COL4A2: variants seen among roughly 807,000 people sequenced by gnomAD.
COL4A2 encodes collagen alpha-2(IV) chain.
Under a neutral mutation model 200.2 loss-of-function variants are expected in COL4A2, and 99 were observed. The observed-to-expected ratio is 0.49, with a 90% CI of 0.42 to 0.58. COL4A2 has a LOEUF of 0.58. Among genes scored for constraint, COL4A2 ranks in the 20% least tolerant of loss-of-function variants. COL4A2 has a pLI of 0.00. For synonymous variants in COL4A2, 897 were observed against 900.6 expected (o/e 1.00, Z 0.07); for missense variants, 1,950 against 2,314.1 (o/e 0.84, Z 3.23).
At chr13:110,483,515 G>A (rs1004817424) in intron 32 of COL4A2, among the ~76,000 whole-genome samples, 3 of 152,258 alleles carry the variant, frequency 2.0e-5, no homozygotes, top group African/African-American at 7.2e-5. Context: ...ACTGATGAAT[G>A]GATGAGTAAA....
intron 3 of COL4A2, among the ~76,000 whole-genome samples, chr13:110,332,620 TAGAG>T (rs1789545491): frequency 6.6e-6 from 1 of 152,316 alleles, no homozygotes; most frequent in Middle Eastern, 3.4e-3. Context: ...CACAGGCAGA[TAGAG>T]AGAAACGTTG....
In COL4A2 at chr13:110,428,447, C is replaced by T. The variant is rs964848232; in HGVS notation, c.361-20C>T. ...AGAAGCCTGCTGGTTGGCTGATTCT[C>T]TCACTGCTCTCTTTCCCAGGGACAC... On this transcript the variant is annotated intron_variant, in intron 6 of 47. Transcript: ENST00000360467. 2.0e-6 allele frequency: 3 copies of T among 1,481,002 alleles called. No individual in the cohort carries two copies. The highest frequency in any genetic ancestry group is 2.1e-5 in the Admixed American group (1 of 47,310). 91.7% of individuals were successfully genotyped at this position (1,481,002 alleles called of 1,614,324 possible).
At chr13:110,410,885 CCTT>C (rs566644993) in intron 4 of COL4A2, among the ~76,000 whole-genome samples, 130 of 152,282 alleles carry the variant, frequency 8.5e-4, no homozygotes, top group African/African-American at 2.6e-3. Context: ...TGGTACTCTT[CCTT>C]CTTGACTGCA....
intron 4 of COL4A2, among the ~76,000 whole-genome samples, chr13:110,384,170 A>G (rs183377285): frequency 1.3e-5 from 2 of 152,348 alleles, no homozygotes; most frequent in East Asian, 3.9e-4. Context: ...AAAGCCATCT[A>G]TAAAGTAGCA....
chr13:110,366,431 G>T (rs1247524029), intron 4 of COL4A2, among the ~76,000 whole-genome samples: 1 of 152,176 alleles, frequency 6.6e-6, no homozygotes, highest in Non-Finnish European at 1.5e-5. Flanking sequence ...GTTCCTGCCT[G>T]TGAGCGGTCT....
chr13:110,419,608 C>T (rs1880171690), intron 4 of COL4A2, among the ~76,000 whole-genome samples: 1 of 152,168 alleles, frequency 6.6e-6, no homozygotes, highest in Non-Finnish European at 1.5e-5. Flanking sequence ...AGTGTCGGGA[C>T]CCTGAGCGCA....
intron 40 of COL4A2, 63 bp from the exon 41 acceptor site, chr13:110,501,605 A>T: frequency 7.2e-7 from 1 of 1,388,980 alleles, no homozygotes; most frequent in East Asian, 2.3e-5. Context: ...GTGGAGGGAA[A>T]ATAGTAGATT....
At chr13:110,493,141 A>G (rs949367732) in intron 38 of COL4A2, 70 bp from the exon 39 acceptor site, 20 of 1,576,950 alleles carry the variant, frequency 1.3e-5, no homozygotes, top group South Asian at 3.3e-5. Flanking sequence ...ACACCCCCGC[A>G]GGTGAAATAA....
At chr13:110,466,925 C>A in intron 26 of COL4A2, 115 bp from the exon 27 acceptor site, 1 of 1,306,806 alleles carries the variant, frequency 7.7e-7, no homozygotes, top group Non-Finnish European at 1.1e-6. Context: ...TTACTCTGAT[C>A]CCAGAATGGT....
At chr13:110,491,524 G>T (rs937582189) in intron 37 of COL4A2, among the ~76,000 whole-genome samples, 184 bp downstream of exon 37, 4 of 152,202 alleles carry the variant, frequency 2.6e-5, no homozygotes, top group African/African-American at 9.6e-5. Context: ...CACCTGGGCT[G>T]GGGGGAGACC....
At position 110,355,742 on chromosome 13, in the gene COL4A2, T is replaced by A. The variant is rs1188609861; in HGVS notation, c.100-1730T>A. Among the ~76,000 whole-genome samples the A allele has an allele frequency of 8.5e-3, 64 of 7,522 alleles. 1 individual carries two copies. The highest frequency in any genetic ancestry group is 9.7e-3 in the Non-Finnish European group (49 of 5,046). The allele number at this position is 7,522 out of a possible 152,430, so 4.9% of individuals were successfully genotyped here. On this transcript the variant is annotated intron_variant, in intron 3 of 47. Transcript: ENST00000360467. Reference sequence around the variant, plus strand: ...AGGGCTGCACTAGCTCACCTGTGTGTGTGGGGGAGGGCTGCACTAGCTCAC... The same window carrying A: ...AGGGCTGCACTAGCTCACCTGTGTGAGTGGGGGAGGGCTGCACTAGCTCAC...
chr13:110,440,613 T>TAAC (rs1405439018), intron 16 of COL4A2, among the ~76,000 whole-genome samples: 4 of 152,012 alleles, frequency 2.6e-5, no homozygotes, highest in Admixed American at 2.6e-4. Flanking sequence ...ATAATAATAA[T>TAAC]GATAAAATTT....
intron 4 of COL4A2, among the ~76,000 whole-genome samples, chr13:110,409,118 TATACACATGCAC>T (rs1566517507): frequency 6.8e-6 from 1 of 147,354 alleles, no homozygotes; most frequent in Non-Finnish European, 1.5e-5. Flanking sequence ...ATAACACACA[TATACACATGCAC>T]ATGCACACAC....
At chr13:110,425,095 T>C in intron 6 of COL4A2, 98 bp downstream of exon 6, 1 of 1,457,584 alleles carries the variant, frequency 6.9e-7, no homozygotes, top group Non-Finnish European at 9.6e-7. Context: ...ACCTCCTTTT[T>C]TGTTTATGAC....
At position 110,436,882 on chromosome 13, in the gene COL4A2, G is replaced by A. The variant is rs536090015; in HGVS notation, c.825+515G>A. 2.0e-3 allele frequency among the ~76,000 whole-genome samples: 303 copies of A among 148,136 alleles called. 2 individuals carry two copies. The highest frequency in any genetic ancestry group is 3.4e-3 in the Non-Finnish European group (230 of 67,508). On this transcript the variant is annotated intron_variant, in intron 13 of 47. Coordinates refer to ENST00000360467, the MANE Select transcript of COL4A2 (RefSeq NM_001846.4). Reference sequence around the variant, plus strand: ...GAATTGCCGCGTCCACTCTCTCTACGTTTGGAGGCTGCTGTGCCACCCACC... The same window carrying A: ...GAATTGCCGCGTCCACTCTCTCTACATTTGGAGGCTGCTGTGCCACCCACC...
At chr13:110,368,008 T>A (rs1380530910) in intron 4 of COL4A2, among the ~76,000 whole-genome samples, 4 of 152,248 alleles carry the variant, frequency 2.6e-5, no homozygotes, top group African/African-American at 9.6e-5. Context: ...CCAGGCTTCC[T>A]GCACTTGAAG....
intron 4 of COL4A2, among the ~76,000 whole-genome samples, chr13:110,407,507 C>T (rs1879617552): frequency 6.6e-6 from 1 of 152,196 alleles, no homozygotes; most frequent in African/African-American, 2.4e-5. Context: ...TCCACCGACC[C>T]GAGTTTCACT....
chr13:110,491,184 A>C (rs1010090422), intron 36 of COL4A2, 49 bp from the exon 37 acceptor site: 12 of 1,376,930 alleles, frequency 8.7e-6, no homozygotes, highest in African/African-American at 1.4e-5. Context: ...CAGGGAACCC[A>C]CAGGGGCGCG....
intron 4 of COL4A2, among the ~76,000 whole-genome samples, chr13:110,397,709 G>T (rs1879229837): frequency 6.6e-6 from 1 of 152,210 alleles, no homozygotes; most frequent in Non-Finnish European, 1.5e-5. Flanking sequence ...GCATGTGGAT[G>T]AATAGTCCTT....
Sources: allele counts gnomAD v4.1 joint callset (sites outside exome capture counted in the v4.1 genomes callset), GRCh38; gene constraint gnomAD v4.1.1; transcripts MANE v1.5; gene names NCBI Gene and HGNC (gene_info 2026-07-23, HGNC 2026-07-21).